Variants in CDH18 observed in about 807,000 individuals in gnomAD.
CDH18 encodes the protein cadherin-18.
CDH18 carries 31 observed loss-of-function variants against 67.9 expected under a neutral mutation model. The ratio of observed to expected loss-of-function variants is 0.46; its 90% CI spans 0.34 to 0.62. The LOEUF (loss-of-function observed/expected upper bound fraction) is 0.62, where lower values mean the gene tolerates loss of function less well. Among genes scored for constraint, CDH18 ranks in the 20% least tolerant of loss-of-function variants. The probability of loss-of-function intolerance (pLI) is 0.01; values close to 1 mark genes in which losing one functional copy is unlikely to be tolerated. For synonymous variants in CDH18, 362 were observed against 347.2 expected (o/e 1.04, Z -0.48); for missense variants, 890 against 975.5 (o/e 0.91, Z 1.17).
chr5:19,866,382 G>T (rs1467179178), intron 2 of CDH18, among the ~76,000 whole-genome samples: 3 of 143,936 alleles, frequency 2.1e-5, no homozygotes, highest in Admixed American at 2.0e-4. Flanking sequence ...CAGAAGAAAG[G>T]CAGTCTTTTG....
At position 20,451,957 on chromosome 5, in the gene CDH18, A is replaced by G. The variant is rs1750482343; in HGVS notation, c.-580+123505T>C. ...TTAGAAGAGCTACTCGTCTTCCCATATATTTCTGCATATAGTTCTTTAAGA... is the reference window on the plus strand; with the variant it reads ...TTAGAAGAGCTACTCGTCTTCCCATGTATTTCTGCATATAGTTCTTTAAGA... On this transcript the variant is annotated intron_variant, in intron 1 of 14. Coordinates refer to the CDH18 transcript ENST00000507958. Among the ~76,000 whole-genome samples, 4 of 152,166 alleles carry G rather than the reference A, an allele frequency of 2.6e-5. No individual in the cohort carries two copies. The South Asian group carries it at 8.3e-4, about 31-fold the overall frequency.
intron 1 of CDH18, among the ~76,000 whole-genome samples, chr5:20,325,239 C>T (rs544727315): frequency 6.6e-6 from 1 of 152,142 alleles, no homozygotes; most frequent in African/African-American, 2.4e-5. Context: ...TATGGCCATC[C>T]TCCATGAACT....
At chr5:20,325,868 A>G (rs1310007718) in intron 1 of CDH18, among the ~76,000 whole-genome samples, 1 of 152,142 alleles carries the variant, frequency 6.6e-6, no homozygotes, top group Non-Finnish European at 1.5e-5. Context: ...ATTGGCCTAT[A>G]TTATAATAGG....
chr5:20,303,646 C>G (rs1736139766), intron 1 of CDH18, among the ~76,000 whole-genome samples: 1 of 152,108 alleles, frequency 6.6e-6, no homozygotes, highest in East Asian at 1.9e-4. Flanking sequence ...CAGCTTCCTT[C>G]TGAACACAGC....
chr5:19,992,461 A>G (rs1465533551), upstream of CDH18, among the ~76,000 whole-genome samples: 8 of 151,906 alleles, frequency 5.3e-5, no homozygotes, highest in Non-Finnish European at 8.8e-5. Flanking sequence ...AAAAAAAAAA[A>G]AAACAACTGT....
At chr5:19,813,420 T>C (rs915070857) in intron 3 of CDH18, among the ~76,000 whole-genome samples, 1 of 152,064 alleles carries the variant, frequency 6.6e-6, no homozygotes, top group Admixed American at 6.6e-5. Flanking sequence ...ATGATATATA[T>C]CATTATAATG....
At chr5:20,153,267 A>G (rs1168590144) in intron 2 of CDH18, among the ~76,000 whole-genome samples, 1 of 152,048 alleles carries the variant, frequency 6.6e-6, no homozygotes, top group African/African-American at 2.4e-5. Flanking sequence ...GGTTTCTAAA[A>G]TCTTTGGTTT....
chr5:19,950,690 C>T (rs1473779567), intron 2 of CDH18, among the ~76,000 whole-genome samples: 2 of 151,796 alleles, frequency 1.3e-5, no homozygotes. Flanking sequence ...AAGTTGATAT[C>T]GAGAAATAAT....
intron 2 of CDH18, among the ~76,000 whole-genome samples, chr5:20,020,146 C>T (rs1738275419): frequency 6.6e-6 from 1 of 152,132 alleles, no homozygotes; most frequent in African/African-American, 2.4e-5. Flanking sequence ...GCAAGGCGTT[C>T]AAGAAGTGGC....
intron 2 of CDH18, among the ~76,000 whole-genome samples, chr5:20,146,822 T>G (rs1484143915): frequency 1.3e-5 from 2 of 152,010 alleles, no homozygotes; most frequent in Non-Finnish European, 2.9e-5. Flanking sequence ...TATGTGTGTT[T>G]TGAAAACAAT....
At chr5:19,994,879 T>G (rs1157720036) in intron 2 of CDH18, among the ~76,000 whole-genome samples, 170 of 50,672 alleles carry the variant, frequency 3.4e-3, no homozygotes, top group East Asian at 7.7e-3. Context: ...GAGAGAGAGA[T>G]GTAGAAAAAG....
chr5:20,435,355 T>G (rs1749089955), intron 1 of CDH18, among the ~76,000 whole-genome samples: 1 of 152,026 alleles, frequency 6.6e-6, no homozygotes, highest in Non-Finnish European at 1.5e-5. Context: ...TACAATGCAG[T>G]TAATAAGCTG....
chr5:19,879,658 GA>G (rs900063414), intron 2 of CDH18, among the ~76,000 whole-genome samples: 7 of 151,964 alleles, frequency 4.6e-5, no homozygotes, highest in African/African-American at 1.7e-4. Flanking sequence ...AGTTTCAGTT[GA>G]AGTATTTAGA....
chr5:19,723,633 ATTGT>A (rs1434695560), intron 4 of CDH18, among the ~76,000 whole-genome samples: 2 of 152,176 alleles, frequency 1.3e-5, no homozygotes, highest in African/African-American at 2.4e-5. Flanking sequence ...TAGAAATGTG[ATTGT>A]TTGGCAATTT....
intron 1 of CDH18, among the ~76,000 whole-genome samples, chr5:20,337,095 A>G (rs1014965468): frequency 6.6e-6 from 1 of 152,208 alleles, no homozygotes; most frequent in Non-Finnish European, 1.5e-5. Flanking sequence ...ACCTGATTTC[A>G]GACCCCCTCT....
chr5:20,457,794 A>C (rs749213215), intron 1 of CDH18, among the ~76,000 whole-genome samples: 1 of 152,164 alleles, frequency 6.6e-6, no homozygotes, highest in Non-Finnish European at 1.5e-5. Flanking sequence ...CTGGACAAAA[A>C]AACTGGAGGG....
intron 2 of CDH18, among the ~76,000 whole-genome samples, chr5:19,940,262 A>T (rs13180588): frequency 0.42 from 64,063 of 151,116 alleles, 16,005 homozygotes; most frequent in Middle Eastern, 0.64. Context: ...AATAATATAT[A>T]TTTTCCACCA....
chr5:19,853,147 T>C (rs1035661854), intron 2 of CDH18, among the ~76,000 whole-genome samples: 1 of 152,144 alleles, frequency 6.6e-6, no homozygotes, highest in African/African-American at 2.4e-5. Flanking sequence ...TTTCTCACTG[T>C]TCTGGAGACT....
intron 1 of CDH18, among the ~76,000 whole-genome samples, chr5:20,351,434 G>A (rs942515505): frequency 3.9e-5 from 6 of 152,126 alleles, no homozygotes; most frequent in Non-Finnish European, 8.8e-5. Context: ...TTGGAGTGAT[G>A]TTACCTGAAG....
Sources: gnomAD v4.1 joint callset for allele counts (sites outside exome capture counted in the v4.1 genomes callset) on GRCh38, gnomAD v4.1.1 for gene constraint, MANE v1.5 for transcripts, NCBI Gene and HGNC (gene_info 2026-07-23, HGNC 2026-07-21) for gene names.